Variants in RANBP17 observed in about 807,000 individuals in gnomAD.
RANBP17 encodes the protein ran-binding protein 17.
Under a neutral mutation model 141.2 loss-of-function variants are expected in RANBP17, and 158 were observed. The ratio of observed to expected loss-of-function variants is 1.12; its 90% CI spans 0.98 to 1.28. The LOEUF (loss-of-function observed/expected upper bound fraction) is 1.28. Among genes scored for constraint, RANBP17 ranks in the 50% most tolerant of loss-of-function variants. The probability of loss-of-function intolerance (pLI) is 0.00; values close to 1 mark genes in which losing one functional copy is unlikely to be tolerated. For synonymous variants in RANBP17, 430 were observed against 450.0 expected (o/e 0.96, Z 0.56); for missense variants, 1,438 against 1,290.7 (o/e 1.11, Z -1.75).
At chr5:170,942,496 A>G (rs1272375685) in intron 12 of RANBP17, among the ~76,000 whole-genome samples, 2 of 152,224 alleles carry the variant, frequency 1.3e-5, no homozygotes, top group East Asian at 3.8e-4. Flanking sequence ...AGGAAGCTAC[A>G]TACAGCATGA....
At chr5:170,940,236 A>G (rs1402909765) in intron 12 of RANBP17, among the ~76,000 whole-genome samples, 4 of 152,208 alleles carry the variant, frequency 2.6e-5, no homozygotes, top group Non-Finnish European at 5.9e-5. Flanking sequence ...GGCTAGGATC[A>G]TTGTTAATAT....
At chr5:171,259,451 G>A (rs1210626588) in intron 24 of RANBP17, among the ~76,000 whole-genome samples, 1 of 152,062 alleles carries the variant, frequency 6.6e-6, no homozygotes, top group East Asian at 1.9e-4. Flanking sequence ...CAGTAGCAAA[G>A]ACATAGAATC....
intron 5 of RANBP17, among the ~76,000 whole-genome samples, chr5:170,901,853 C>T (rs182373615): frequency 2.2e-4 from 34 of 152,312 alleles, no homozygotes; most frequent in African/African-American, 8.2e-4. Flanking sequence ...TTGGCCCCCA[C>T]TCTCTTCTGG....
At chr5:170,865,945 C>T (rs192797712) in intron 1 of RANBP17, among the ~76,000 whole-genome samples, 28 of 152,298 alleles carry the variant, frequency 1.8e-4, no homozygotes, top group Admixed American at 1.6e-3. Flanking sequence ...GTGCTCCCTG[C>T]ATCAATATAT....
intron 12 of RANBP17, among the ~76,000 whole-genome samples, chr5:170,931,889 G>A (rs942442821): frequency 2.6e-5 from 4 of 152,174 alleles, no homozygotes; most frequent in Non-Finnish European, 5.9e-5. Flanking sequence ...TGGCAATGCG[G>A]GCTCTTTTTT....
intron 14 of RANBP17, among the ~76,000 whole-genome samples, chr5:171,082,221 A>G (rs1785298326): frequency 6.6e-6 from 1 of 152,114 alleles, no homozygotes; most frequent in Non-Finnish European, 1.5e-5. Context: ...ATTAAAATAC[A>G]CACACACATA....
At chr5:171,007,308 G>A (rs933787061) in intron 14 of RANBP17, among the ~76,000 whole-genome samples, 3 of 152,064 alleles carry the variant, frequency 2.0e-5, no homozygotes, top group Non-Finnish European at 2.9e-5. Flanking sequence ...GGAAATTGTC[G>A]GGCAGTGGGG....
intron 14 of RANBP17, among the ~76,000 whole-genome samples, chr5:171,159,211 G>A (rs181361386): frequency 9.1e-4 from 139 of 152,244 alleles, no homozygotes; most frequent in Non-Finnish European, 1.5e-3. Flanking sequence ...TTTGCTTTTC[G>A]CTGTATCACA....
intron 12 of RANBP17, among the ~76,000 whole-genome samples, chr5:170,932,407 G>C (rs1773468836): frequency 6.6e-6 from 1 of 152,014 alleles, no homozygotes; most frequent in South Asian, 2.1e-4. Context: ...ATTTCTTTCT[G>C]CTGCCTGATT....
rs138154590 is a variant in RANBP17, at chr5:171,122,123, T to C, written c.1711-48007T>C. On this transcript the variant is annotated intron_variant, in intron 14 of 27. Transcript: ENST00000523189. ...CCCTCATGGCTCTACGCAGATCCAG[T>C]CCACACAGGGACAATAGAGTGCGGA... is the stretch of plus-strand genomic sequence containing the variant. Among the ~76,000 whole-genome samples the C allele has an allele frequency of 3.3e-5, 5 of 152,268 alleles. No individual in the cohort carries two copies. The East Asian group carries it at 9.7e-4, about 29-fold the overall frequency.
chr5:171,230,132 G>A (rs1039570508), intron 22 of RANBP17, among the ~76,000 whole-genome samples: 8 of 152,014 alleles, frequency 5.3e-5, no homozygotes, highest in African/African-American at 1.4e-4. Flanking sequence ...CAGGGGAGTC[G>A]GACAAATCAA....
chr5:171,152,553 C>T (rs1432895632), intron 14 of RANBP17, among the ~76,000 whole-genome samples: 1 of 152,154 alleles, frequency 6.6e-6, no homozygotes, highest in African/African-American at 2.4e-5. Flanking sequence ...CTCCCTGTTG[C>T]TCATGACATC....
In RANBP17 at chr5:170,995,215, T is replaced by C. The variant is rs1015202369; in HGVS notation, c.1710+26838T>C. 3.9e-5 allele frequency among the ~76,000 whole-genome samples: 6 copies of C among 152,120 alleles called. No homozygotes were observed. In the East Asian group the frequency reaches 1.2e-3, roughly 29 times the overall value. The stretch of plus-strand genomic sequence containing the variant: ...TCCGAGACATGTTGTATGCATATCT[T>C]TTCTTTAAGATCTTGACATTTATGG... On this transcript the variant is annotated intron_variant, in intron 14 of 27. Transcript: ENST00000523189.
intron 14 of RANBP17, among the ~76,000 whole-genome samples, chr5:171,078,135 T>C (rs1469180129): frequency 5.0e-5 from 1 of 20,024 alleles, no homozygotes; most frequent in Non-Finnish European, 1.5e-4. Flanking sequence ...CTTTTCTTTC[T>C]TTTTTTTTTT....
At chr5:171,210,935 G>A (rs1336075938) in intron 20 of RANBP17, among the ~76,000 whole-genome samples, 1 of 148,986 alleles carries the variant, frequency 6.7e-6, no homozygotes, top group Non-Finnish European at 1.5e-5. Flanking sequence ...AACCCAGGAG[G>A]CAGAAGTTGC....
In RANBP17 at chr5:171,221,801, C is replaced by A. The variant is rs370874553; in HGVS notation, c.2383C>A (p.Leu795Ile). 1.2e-5 allele frequency: 19 copies of A among 1,610,922 alleles called. No individual in the cohort carries two copies. Among genetic ancestry groups the A allele is most frequent in the African/African-American group, 5.3e-5 (4 of 74,868 alleles). Reference sequence around the variant, plus strand: ...TGATGTATCATCTCCTAATGGAATTCTTCTCTTCAGAGAAGCTAGTAAAAT... The same window carrying A: ...TGATGTATCATCTCCTAATGGAATTATTCTCTTCAGAGAAGCTAGTAAAAT... ...NFDVSSPNGILLFREASKMVC... is the reference protein window; with the variant it reads ...NFDVSSPNGIILFREASKMVC... The change falls in exon 22 of 28, where the codon CTT (leucine) becomes ATT (isoleucine). Residue 795 changes from leucine to isoleucine, a missense_variant. Coordinates refer to ENST00000523189, the MANE Select transcript of RANBP17 (RefSeq NM_022897.5).
At chr5:171,173,184 G>C (rs1265277722) in intron 16 of RANBP17, among the ~76,000 whole-genome samples, 1 of 152,008 alleles carries the variant, frequency 6.6e-6, no homozygotes, top group East Asian at 1.9e-4. Context: ...GAATATGTGA[G>C]TGGTGTATCT....
At position 171,089,913 on chromosome 5, in the gene RANBP17, C is replaced by T. The variant is rs533196595; in HGVS notation, c.1711-80217C>T. ...CTCAGATGGAAATGCAGAAATCACC[C>T]GTCTTCTGCGTCGCTCACACTGGGA... On this transcript the variant is annotated intron_variant, in intron 14 of 27. Transcript: ENST00000523189. Among the ~76,000 whole-genome samples the T allele has an allele frequency of 1.1e-3, 166 of 152,324 alleles. 1 individual carries two copies. Among genetic ancestry groups the T allele is most frequent in the Admixed American group, 8.1e-3 (124 of 15,302 alleles).
chr5:171,289,442 C>A (rs146711002), intron 25 of RANBP17, among the ~76,000 whole-genome samples: 1 of 152,162 alleles, frequency 6.6e-6, no homozygotes, highest in East Asian at 1.9e-4. Context: ...ACAGAACAGA[C>A]GGGGTTTAAA....
Sources: allele counts gnomAD v4.1 joint callset (sites outside exome capture counted in the v4.1 genomes callset), GRCh38; gene constraint gnomAD v4.1.1; transcripts MANE v1.5; gene names NCBI Gene and HGNC (gene_info 2026-07-23, HGNC 2026-07-21).